Variants in ARHGAP22 observed in about 807,000 individuals in gnomAD.
ARHGAP22 encodes Rho GTPase activating protein 22.
A neutral mutation model predicts 59.1 loss-of-function variants in ARHGAP22; 48 were observed. The observed-to-expected ratio is 0.81, with a 90% CI of 0.64 to 1.03. ARHGAP22 has a LOEUF of 1.03. Among genes scored for constraint, ARHGAP22 ranks in the 50% least tolerant of loss-of-function variants. The probability of loss-of-function intolerance (pLI) is 0.00; values close to 1 mark genes in which losing one functional copy is unlikely to be tolerated. For synonymous variants in ARHGAP22, 445 were observed against 416.4 expected (o/e 1.07, Z -0.84); for missense variants, 1,015 against 958.7 (o/e 1.06, Z -0.78).
At chr10:48,471,185 G>A (rs564705961) in intron 4 of ARHGAP22, among the ~76,000 whole-genome samples, 1 of 152,152 alleles carries the variant, frequency 6.6e-6, no homozygotes, top group Non-Finnish European at 1.5e-5. Context: ...AAAGCCTCCA[G>A]AGGCCTGTGA....
intron 1 of ARHGAP22, among the ~76,000 whole-genome samples, chr10:48,628,145 G>A (rs1281006471): frequency 6.6e-6 from 1 of 152,206 alleles, no homozygotes; most frequent in Non-Finnish European, 1.5e-5. Flanking sequence ...GCCACCCTCT[G>A]TTCAGGATGG....
intron 4 of ARHGAP22, among the ~76,000 whole-genome samples, chr10:48,460,763 T>C (rs888954656): frequency 3.3e-5 from 5 of 152,154 alleles, no homozygotes; most frequent in East Asian, 1.9e-4. Context: ...GACGTGGTAT[T>C]TGCATACAGT....
intron 2 of ARHGAP22, among the ~76,000 whole-genome samples, chr10:48,567,812 A>G (rs1374356320): frequency 6.6e-6 from 1 of 151,906 alleles, no homozygotes. Flanking sequence ...CCCACCACAG[A>G]CATTACTACA....
chr10:48,465,268 G>A (rs2047539272), intron 4 of ARHGAP22, among the ~76,000 whole-genome samples: 1 of 152,198 alleles, frequency 6.6e-6, no homozygotes, highest in African/African-American at 2.4e-5. Flanking sequence ...ACTGGCAGAG[G>A]CTGCCTCTCC....
chr10:48,447,011 C>G (rs962281570), intron 9 of ARHGAP22, among the ~76,000 whole-genome samples: 6 of 152,194 alleles, frequency 3.9e-5, no homozygotes, highest in African/African-American at 1.4e-4. Context: ...GTGGCCTCCC[C>G]TCCCACAGCT....
chr10:48,514,066 A>T (rs142577699), intron 3 of ARHGAP22, among the ~76,000 whole-genome samples: 1 of 152,260 alleles, frequency 6.6e-6, no homozygotes, highest in African/African-American at 2.4e-5. Context: ...GAAGAAAAAA[A>T]ATCAGTAAAC....
At chr10:48,524,258 A>C in intron 3 of ARHGAP22, 8 of 252,666 alleles carry the variant, frequency 3.2e-5, no homozygotes, top group Non-Finnish European at 5.0e-5. Context: ...CTCACACTCC[A>C]CCGCGGCCCC....
At position 48,599,348 on chromosome 10, in the gene ARHGAP22, G is replaced by A. The variant is rs370503018; in HGVS notation, c.34+5415C>T. Among the ~76,000 whole-genome samples the A allele has an allele frequency of 3.3e-5, 5 of 152,340 alleles. 1 individual carries two copies. The highest frequency in any genetic ancestry group is 1.2e-4 in the African/African-American group (5 of 41,574). On this transcript the variant is annotated intron_variant, in intron 1 of 9. Coordinates refer to ENST00000249601, the MANE Select transcript of ARHGAP22 (RefSeq NM_021226.4). ...CACGTGGGGACACTGGAGGACACAA[G>A]TAAAGTCATTTCATGTGCTGTGCTT...
At chr10:48,468,837 G>A (rs190781033) in intron 4 of ARHGAP22, among the ~76,000 whole-genome samples, 9 of 152,228 alleles carry the variant, frequency 5.9e-5, no homozygotes, top group East Asian at 3.9e-4. Context: ...GAGTGGGGCC[G>A]CGGAGCTGTT....
chr10:48,583,341 C>A (rs1023437388), intron 1 of ARHGAP22, among the ~76,000 whole-genome samples, 189 bp from the exon 2 acceptor site: 3 of 152,242 alleles, frequency 2.0e-5, no homozygotes, highest in Non-Finnish European at 2.9e-5. Flanking sequence ...CAGCAGCCTG[C>A]AGTGATCCCC....
chr10:48,579,102 ATTT>A (rs67283464), intron 2 of ARHGAP22, among the ~76,000 whole-genome samples: 1 of 149,180 alleles, frequency 6.7e-6, no homozygotes, highest in African/African-American at 2.5e-5. Context: ...CTTGTTTTTT[ATTT>A]TTTTTTCCTT....
chr10:48,555,974 G>C (rs189300059), intron 2 of ARHGAP22, among the ~76,000 whole-genome samples: 7 of 152,160 alleles, frequency 4.6e-5, no homozygotes, highest in Non-Finnish European at 8.8e-5. Context: ...TGTGCGTCCA[G>C]TCCTGCCACG....
At chr10:48,641,656 C>T (rs2062051244) in intron 1 of ARHGAP22, among the ~76,000 whole-genome samples, 1 of 152,152 alleles carries the variant, frequency 6.6e-6, no homozygotes, top group African/African-American at 2.4e-5. Context: ...TGGGCAAAAA[C>T]TGGAAGCATT....
chr10:48,595,423 C>T (rs773477567), intron 1 of ARHGAP22, among the ~76,000 whole-genome samples: 83 of 152,220 alleles, frequency 5.5e-4, no homozygotes, highest in Non-Finnish European at 1.0e-3. Context: ...GGGTCCCACA[C>T]CGTCCTGGGA....
At chr10:48,448,100 C>G (rs543410854) in intron 9 of ARHGAP22, among the ~76,000 whole-genome samples, 1 of 152,344 alleles carries the variant, frequency 6.6e-6, no homozygotes, top group East Asian at 1.9e-4. Flanking sequence ...CCTCCAGCGG[C>G]TTCTCACTTC....
At chr10:48,544,471 A>C (rs903276819) in intron 3 of ARHGAP22, among the ~76,000 whole-genome samples, 1 of 151,162 alleles carries the variant, frequency 6.6e-6, no homozygotes, top group African/African-American at 2.4e-5. Flanking sequence ...TGGTGTTCTC[A>C]TCTAGGCCTG....
At chr10:48,486,613 T>C (rs902021039) in intron 3 of ARHGAP22, among the ~76,000 whole-genome samples, 1 of 152,216 alleles carries the variant, frequency 6.6e-6, no homozygotes. Context: ...TTATTTTTAC[T>C]TTAAATCTTA....
chr10:48,574,567 A>C (rs1328326639), intron 2 of ARHGAP22: 1 of 152,222 alleles, frequency 6.6e-6, no homozygotes, highest in African/African-American at 2.4e-5. Flanking sequence ...TCCAGAAGTG[A>C]AGGGCATCTG....
chr10:48,443,809 ACTCAAAAGC>A (rs2045260312), downstream of ARHGAP22: 1 of 152,008 alleles, frequency 6.6e-6, no homozygotes, highest in South Asian at 2.1e-4. Flanking sequence ...CTGGTCCATC[ACTCAAAAGC>A]CAATTAAGAC....
Sources: allele counts gnomAD v4.1 joint callset (sites outside exome capture counted in the v4.1 genomes callset), GRCh38; gene constraint gnomAD v4.1.1; transcripts MANE v1.5; gene names NCBI Gene and HGNC (gene_info 2026-07-23, HGNC 2026-07-21).